Variants in PDGFD observed in about 807,000 individuals in gnomAD.
PDGFD encodes platelet derived growth factor D.
A neutral mutation model predicts 44.7 loss-of-function variants in PDGFD; 30 were observed. The observed-to-expected ratio is 0.67, with a 90% CI of 0.50 to 0.91. The LOEUF (loss-of-function observed/expected upper bound fraction) is 0.91, where lower values mean the gene tolerates loss of function less well. PDGFD is among the 40% of genes least tolerant of loss of function. The pLI, the probability that PDGFD is intolerant of heterozygous loss-of-function variation, is 0.00. For missense variants in PDGFD, 445 were observed against 457.8 expected, an observed-to-expected ratio of 0.97 and a Z score of 0.25; for synonymous variants, 173 against 168.4, an observed-to-expected ratio of 1.03 and a Z score of -0.21.
chr11:104,059,550 C>T (rs1285592507), intron 1 of PDGFD, among the ~76,000 whole-genome samples: 1 of 152,102 alleles, frequency 6.6e-6, no homozygotes, highest in Non-Finnish European at 1.5e-5. Flanking sequence ...TCAGTTAATT[C>T]AAATCCAACT....
chr11:104,010,470 C>T (rs1591119772), intron 1 of PDGFD, among the ~76,000 whole-genome samples: 1 of 152,188 alleles, frequency 6.6e-6, no homozygotes, highest in East Asian at 1.9e-4. Flanking sequence ...CTCACTAGAA[C>T]TTTTAATGTA....
chr11:104,013,623 T>C (rs1859816151), intron 1 of PDGFD, among the ~76,000 whole-genome samples: 2 of 152,028 alleles, frequency 1.3e-5, no homozygotes, highest in South Asian at 2.1e-4. Flanking sequence ...ATAGAGTGGA[T>C]GCCTGGAAAA....
intron 1 of PDGFD, among the ~76,000 whole-genome samples, chr11:104,070,232 A>G (rs1184565176): frequency 1.3e-5 from 2 of 152,210 alleles, no homozygotes; most frequent in Non-Finnish European, 2.9e-5. Flanking sequence ...CAACCTGGGT[A>G]CTAAGTGTGT....
At chr11:103,974,188 GA>G in intron 3 of PDGFD, among the ~76,000 whole-genome samples, 1 of 152,210 alleles carries the variant, frequency 6.6e-6, no homozygotes, top group East Asian at 1.9e-4. Context: ...CATTAATGAA[GA>G]AAAAAATCTC....
intron 1 of PDGFD, among the ~76,000 whole-genome samples, chr11:104,016,790 CA>C: frequency 6.6e-6 from 1 of 152,220 alleles, no homozygotes. Context: ...TTGCTCTGAA[CA>C]AGGTGGTTAT....
intron 5 of PDGFD, among the ~76,000 whole-genome samples, chr11:103,942,825 C>T (rs1224385186): frequency 6.6e-6 from 1 of 152,102 alleles, no homozygotes. Context: ...GATCCTCATT[C>T]TTCTTCATTG....
chr11:104,021,911 A>G lies in PDGFD; in HGVS notation c.125-21656T>C, dbSNP rs373856009. ...GGAAGGAGTATTAATGGCCAAGTTT[A>G]TGAGTAGCACATTCAGGCAGGTGGT... On this transcript the variant is annotated intron_variant, in intron 1 of 6. Transcript: ENST00000393158. Among the ~76,000 whole-genome samples the G allele has an allele frequency of 3.3e-5, 5 of 152,278 alleles. 1 individual carries two copies. Among genetic ancestry groups the G allele is most frequent in the Admixed American group, 2.0e-4 (3 of 15,278 alleles).
chr11:104,033,871 G>A (rs1219137469), intron 1 of PDGFD, among the ~76,000 whole-genome samples: 1 of 152,112 alleles, frequency 6.6e-6, no homozygotes, highest in Non-Finnish European at 1.5e-5. Flanking sequence ...ACTTGTCAGG[G>A]TGCAAAGAAC....
At chr11:104,112,540 T>C (rs1008636001) in intron 1 of PDGFD, among the ~76,000 whole-genome samples, 3 of 152,136 alleles carry the variant, frequency 2.0e-5, no homozygotes, top group African/African-American at 4.8e-5. Context: ...CAAAGGAATA[T>C]AGATTCTTCT....
At chr11:103,953,166 C>T (rs1384123890) in intron 3 of PDGFD, among the ~76,000 whole-genome samples, 2 of 151,770 alleles carry the variant, frequency 1.3e-5, no homozygotes, top group Non-Finnish European at 2.9e-5. Flanking sequence ...TGTGTACATA[C>T]AAGATGTATA....
At chr11:104,000,968 G>C (rs1346349987) in intron 1 of PDGFD, among the ~76,000 whole-genome samples, 1 of 142,134 alleles carries the variant, frequency 7.0e-6, no homozygotes, top group Non-Finnish European at 1.5e-5. Context: ...TGTTATTCAT[G>C]ATATGGCCCC....
rs957847509 is a variant in PDGFD, at chr11:103,908,496, G to C, written c.*1198C>G. The stretch of plus-strand genomic sequence containing the variant: ...CAGAAACAGGAAATCAGAACAGTGA[G>C]CAAGTATACGATTAGAAATTTACAT... On this transcript the variant is annotated 3_prime_UTR_variant, in exon 7 of 7. Transcript: ENST00000393158. 2.0e-5 allele frequency: 3 copies of C among 152,176 alleles called. No homozygotes were observed. The highest frequency in any genetic ancestry group is 4.4e-5 in the Non-Finnish European group (3 of 68,020). 9.4% of individuals were successfully genotyped at this position (152,176 alleles called of 1,614,324 possible). A position where few individuals can be genotyped will look rare whatever the true frequency, so the allele number is the denominator to read the frequency against.
intron 1 of PDGFD, among the ~76,000 whole-genome samples, chr11:104,116,593 A>G (rs1284301297): frequency 6.6e-6 from 1 of 152,072 alleles, no homozygotes; most frequent in Non-Finnish European, 1.5e-5. Flanking sequence ...AAAGAAAACT[A>G]CAGACCAATA....
At chr11:104,047,176 T>C (rs947611256) in intron 1 of PDGFD, among the ~76,000 whole-genome samples, 11 of 147,916 alleles carry the variant, frequency 7.4e-5, no homozygotes, top group African/African-American at 2.5e-4. Context: ...GTTTTTGCCA[T>C]TGTGAACAGT....
At position 104,084,787 on chromosome 11, in the gene PDGFD, A is replaced by ATATAAAATATATATTTTATAAATAT. The variant is rs1861100576; in HGVS notation, c.124+79016_124+79017insATATTTATAAAATATATATTTTATA. ...TAATTATAAAATTATACATAAAATA[A>ATATAAAATATATATTTTATAAATAT]TATAAAATATATATTTTATAAGTAT... On this transcript the variant is annotated intron_variant, in intron 1 of 6. Coordinates refer to ENST00000393158, the MANE Select transcript of PDGFD (RefSeq NM_025208.5). Among the ~76,000 whole-genome samples, 3 of 133,106 alleles carry ATATAAAATATATATTTTATAAATAT rather than the reference A, an allele frequency of 2.3e-5. 1 individual carries two copies. Among genetic ancestry groups the ATATAAAATATATATTTTATAAATAT allele is most frequent in the African/African-American group, 6.1e-5 (2 of 32,888 alleles). 87.3% of individuals were successfully genotyped at this position (133,106 alleles called of 152,430 possible). A position where few individuals can be genotyped will look rare whatever the true frequency, so the allele number is the denominator to read the frequency against.
rs34481866 is a variant in PDGFD at position 103,956,067 on chromosome 11, ATT to A, written c.511-8345_511-8344del. ...TCTTCAGACTGAACTTAGTTTGGGA[ATT>A]TTTTTTTTTTTTTTTAAGTTTTAAG... is the stretch of plus-strand genomic sequence containing the variant. On this transcript the variant is annotated intron_variant, in intron 3 of 6. Coordinates refer to ENST00000393158, the MANE Select transcript of PDGFD (RefSeq NM_025208.5). Among the ~76,000 whole-genome samples the A allele has an allele frequency of 4.3e-3, 620 of 143,796 alleles. 8 individuals are homozygous for A. Among genetic ancestry groups the A allele is most frequent in the African/African-American group, 0.011 (443 of 38,866 alleles). 94.3% of individuals were successfully genotyped at this position (143,796 alleles called of 152,430 possible). A position where few individuals can be genotyped will look rare whatever the true frequency, so the allele number is the denominator to read the frequency against.
At chr11:104,108,460 T>C (rs1296469388) in intron 1 of PDGFD, among the ~76,000 whole-genome samples, 3 of 152,148 alleles carry the variant, frequency 2.0e-5, no homozygotes, top group Non-Finnish European at 4.4e-5. Flanking sequence ...ATGCTCATCA[T>C]CACTGGCTAT....
At chr11:104,109,346 TCATC>T (rs2134451631) in intron 1 of PDGFD, among the ~76,000 whole-genome samples, 1 of 152,256 alleles carries the variant, frequency 6.6e-6, no homozygotes, top group African/African-American at 2.4e-5. Context: ...CTCAGTCTCT[TCATC>T]CATAAGTTAG....
At chr11:104,159,346 C>G (rs1303938649) in intron 1 of PDGFD, among the ~76,000 whole-genome samples, 1 of 151,994 alleles carries the variant, frequency 6.6e-6, no homozygotes, top group African/African-American at 2.4e-5. Context: ...TGGCATGGCG[C>G]AGATGAGGTA....
Sources: gnomAD v4.1 joint callset for allele counts (sites outside exome capture counted in the v4.1 genomes callset) on GRCh38, gnomAD v4.1.1 for gene constraint, MANE v1.5 for transcripts, NCBI Gene and HGNC (gene_info 2026-07-23, HGNC 2026-07-21) for gene names.